Variants in WDFY3 observed in about 807,000 individuals in gnomAD.
The protein encoded by WDFY3 is WD repeat and FYVE domain containing 3.
In WDFY3, 66 loss-of-function variants were observed where a neutral mutation model predicts 409.6. The observed-to-expected ratio is 0.16, with a 90% CI of 0.13 to 0.20. The LOEUF is 0.20. Ranked by LOEUF, WDFY3 falls within the 10% of genes least tolerant of loss-of-function variation. The pLI is 1.00. For missense variants in WDFY3, 3,031 were observed against 4,298.1 expected, an observed-to-expected ratio of 0.71 and a Z score of 8.24; for synonymous variants, 1,521 against 1,537.1, an observed-to-expected ratio of 0.99 and a Z score of 0.25.
chr4:84,780,301 G>A lies in WDFY3; in HGVS notation c.4175-3C>T. 1 of 1,596,502 alleles carries A rather than the reference G, an allele frequency of 6.3e-7. No homozygotes were observed. The highest frequency in any genetic ancestry group is 1.7e-4 in the Middle Eastern group (1 of 5,978). ...CTTAGGGACAAATGTTCTTACTCCTGATTAAAAGATAGTGAAAAATAATTA... is the reference window on the plus strand; with the variant it reads ...CTTAGGGACAAATGTTCTTACTCCTAATTAAAAGATAGTGAAAAATAATTA... On this transcript the variant is annotated splice_polypyrimidine_tract_variant and splice_region_variant and intron_variant, in intron 25 of 67. Coordinates refer to ENST00000295888, the MANE Select transcript of WDFY3 (RefSeq NM_014991.6).
chr4:84,757,048 T>G lies in WDFY3; in HGVS notation c.5302A>C (p.Asn1768His). The change falls in exon 33 of 68, where the codon AAT (asparagine) becomes CAT (histidine). Residue 1768 changes from asparagine to histidine, a missense_variant. This residue lies in a region of WDFY3 where 342 missense variants were observed against 463.7 expected (regional missense o/e 0.74). Transcript: ENST00000295888. ...VLQSFLPKHT[N>H]VPALYFLLMA... ...AGGAGAAAATAGAGGGCAGGGACATTAGTGTGTTTAGGAAGGAATGACTGA... is the reference window on the plus strand; with the variant it reads ...AGGAGAAAATAGAGGGCAGGGACATGAGTGTGTTTAGGAAGGAATGACTGA... The G allele has an allele frequency of 6.2e-7, 1 of 1,613,916 alleles. No homozygotes were observed.
intron 24 of WDFY3, among the ~76,000 whole-genome samples, 195 bp from the exon 25 acceptor site, chr4:84,783,269 G>C (rs978371286): frequency 3.3e-5 from 5 of 152,156 alleles, no homozygotes; most frequent in Non-Finnish European, 7.4e-5. Context: ...AGAGGCAAGG[G>C]AATCGCTTGA....
At chr4:84,788,947 G>A (rs1369145127) in intron 22 of WDFY3, among the ~76,000 whole-genome samples, 1 of 152,154 alleles carries the variant, frequency 6.6e-6, no homozygotes, top group Non-Finnish European at 1.5e-5. Context: ...TCATACCCAG[G>A]AGGTGGAGGT....
At chr4:84,806,409 C>T (rs755119472) in intron 15 of WDFY3, among the ~76,000 whole-genome samples, 2 of 152,134 alleles carry the variant, frequency 1.3e-5, no homozygotes, top group Non-Finnish European at 2.9e-5. Flanking sequence ...GGAGAATTCA[C>T]ACGGATTAGG....
intron 53 of WDFY3, among the ~76,000 whole-genome samples, chr4:84,707,226 G>A (rs890771953): frequency 6.6e-6 from 1 of 152,006 alleles, no homozygotes; most frequent in Admixed American, 6.6e-5. Context: ...CACAGCACCT[G>A]GTCACTGAAT....
Position 84,724,508 on chromosome 4 carries a change from T to G in WDFY3, c.7359A>C (p.Gln2453His). 1.2e-6 allele frequency: 2 copies of G among 1,614,202 alleles called. No individual in the cohort carries two copies. Among genetic ancestry groups the G allele is most frequent in the Non-Finnish European group, 1.7e-6 (2 of 1,180,010 alleles). Reference protein sequence around the residue: ...RLASGNPAIVQDAIVESSEGE... With the variant: ...RLASGNPAIVHDAIVESSEGE... ...CTTCTGAACTCTCCACAATGGCGTC[T>G]TGGACAATGGCGGGATTGCCAGAGG... The change falls in exon 46 of 68, where the codon CAA becomes CAC. Residue 2453 changes from glutamine to histidine, a missense_variant. Transcript: ENST00000295888.
In WDFY3 at chr4:84,774,802, CAAA is replaced by C; in HGVS notation, c.4754+15_4754+17del. On this transcript the variant is annotated intron_variant, in intron 29 of 67. Transcript: ENST00000295888. The stretch of plus-strand genomic sequence containing the variant: ...CTTTTAGTTAATAAAAAGACAAAGA[CAAA>C]GAAGTTTTTCCTACCTGAGCAGATC... 1 of 1,578,516 alleles carries C rather than the reference CAAA, an allele frequency of 6.3e-7. No homozygotes were observed. Among genetic ancestry groups the C allele is most frequent in the Non-Finnish European group, 8.6e-7 (1 of 1,168,588 alleles).
At chr4:84,814,561 C>A (rs559695354) in intron 13 of WDFY3, among the ~76,000 whole-genome samples, 1 of 152,216 alleles carries the variant, frequency 6.6e-6, no homozygotes, top group South Asian at 2.1e-4. Context: ...TGTGACTCAT[C>A]CCTGTGTCCA....
In WDFY3 at chr4:84,679,154, G is replaced by A; in HGVS notation, c.9912C>T (p.Pro3304=). 1.2e-6 allele frequency: 2 copies of A among 1,613,756 alleles called. No individual in the cohort carries two copies. Among genetic ancestry groups the A allele is most frequent in the Non-Finnish European group, 1.7e-6 (2 of 1,179,844 alleles). ...CCCGGGGCCTGTGGCTGGTGCTGCT[G>A]GGTTGGCTTGGAGTGTCCTTAGGGT... ...SQDPKDTPSQ[P]SSTSHRPRAA... is the part of the protein sequence containing the mutation. Residue 3304 remains proline (P), a synonymous_variant, in exon 65 of 68, where the codon CCC becomes CCT. Transcript: ENST00000295888.
intron 2 of WDFY3, among the ~76,000 whole-genome samples, chr4:84,920,305 T>C (rs190055317): frequency 9.2e-5 from 14 of 152,322 alleles, no homozygotes; most frequent in Admixed American, 5.2e-4. Flanking sequence ...AATGTAAGAA[T>C]GTTAAGTCTA....
intron 41 of WDFY3, 49 bp from the exon 42 acceptor site, chr4:84,736,376 T>C: frequency 2.7e-6 from 4 of 1,509,222 alleles, no homozygotes; most frequent in Non-Finnish European, 3.5e-6. Context: ...CATGTATTTA[T>C]GAGTCTTACT....
intron 67 of WDFY3, among the ~76,000 whole-genome samples, chr4:84,676,425 T>G (rs1726305879): frequency 6.6e-6 from 1 of 152,180 alleles, no homozygotes; most frequent in South Asian, 2.1e-4. Flanking sequence ...GGAGGTAGTA[T>G]TAACTAGCAC....
intron 2 of WDFY3, among the ~76,000 whole-genome samples, chr4:84,920,955 A>C (rs1014503759): frequency 3.9e-5 from 6 of 152,172 alleles, no homozygotes; most frequent in African/African-American, 1.4e-4. Context: ...GCCCTAAATC[A>C]TTCTACACAC....
chr4:84,789,072 C>G (rs1748028963), intron 22 of WDFY3, among the ~76,000 whole-genome samples: 1 of 152,010 alleles, frequency 6.6e-6, no homozygotes, highest in Admixed American at 6.6e-5. Context: ...TGAATACTAT[C>G]TTTTAGAAGG....
intron 3 of WDFY3, among the ~76,000 whole-genome samples, chr4:84,873,241 C>G (rs1264376124): frequency 6.6e-6 from 1 of 152,166 alleles, no homozygotes; most frequent in Admixed American, 6.6e-5. Flanking sequence ...TTCTCAAATT[C>G]ACGTGAAACA....
At chr4:84,893,367 A>G (rs554793325) in intron 3 of WDFY3, among the ~76,000 whole-genome samples, 1 of 152,342 alleles carries the variant, frequency 6.6e-6, no homozygotes, top group Admixed American at 6.5e-5. Context: ...TTCAAGGTTC[A>G]CAATGTTTGG....
chr4:84,672,621 T>C lies in WDFY3; in HGVS notation c.*247A>G. On this transcript the variant is annotated 3_prime_UTR_variant, in exon 68 of 68. Coordinates refer to ENST00000295888, the MANE Select transcript of WDFY3 (RefSeq NM_014991.6). The stretch of plus-strand genomic sequence containing the variant: ...GACAGCTACTGTCATCAGGGAGAAC[T>C]GGAGGTCGAAAGTGTTGCTCCTAGG... 3.2e-6 allele frequency: 1 copy of C among 309,508 alleles called. No homozygotes were observed. Among genetic ancestry groups the C allele is most frequent in the Non-Finnish European group, 5.9e-6 (1 of 170,384 alleles). 19.2% of individuals were successfully genotyped at this position (309,508 alleles called of 1,614,324 possible). A position where few individuals can be genotyped will look rare whatever the true frequency, so the allele number is the denominator to read the frequency against.
intron 67 of WDFY3, among the ~76,000 whole-genome samples, chr4:84,675,709 A>G (rs1726154716): frequency 2.0e-5 from 3 of 152,024 alleles, no homozygotes; most frequent in Admixed American, 2.0e-4. Flanking sequence ...TGAGAATAAT[A>G]TGCTTTCTAT....
At position 84,801,790 on chromosome 4, in the gene WDFY3, G is replaced by A; in HGVS notation, c.2682C>T (p.Val894=). The A allele has an allele frequency of 6.2e-7, 1 of 1,614,118 alleles. No homozygotes were observed. Among genetic ancestry groups the A allele is most frequent in the South Asian group, 1.1e-5 (1 of 91,058 alleles). The change falls in exon 17 of 68, where the codon GTC becomes GTT. Residue 894 remains valine, a synonymous_variant. Transcript: ENST00000295888. ...SLVHTERNQQ[V]MCEAGLHARL... is the part of the protein sequence containing the mutation. The stretch of plus-strand genomic sequence containing the variant: ...GTGCATGAAGACCAGCTTCACACAT[G>A]ACTTGCTGGTTCCTTTCTGTGTGCA...
Sources: gnomAD v4.1 joint callset for allele counts (sites outside exome capture counted in the v4.1 genomes callset) on GRCh38, gnomAD v4.1.1 for gene constraint, gnomAD v4.1.1 regional missense constraint, MANE v1.5 for transcripts, NCBI Gene and HGNC (gene_info 2026-07-23, HGNC 2026-07-21) for gene names.